IL19: variants seen among roughly 807,000 people sequenced by gnomAD.
The protein encoded by IL19 is interleukin-19.
IL19 carries 15 observed loss-of-function variants against 19.5 expected under a neutral mutation model. The observed-to-expected ratio is 0.77, with a 90% CI of 0.52 to 1.19. The LOEUF (loss-of-function observed/expected upper bound fraction) is 1.19, where lower values mean the gene tolerates loss of function less well. Ranked by LOEUF, IL19 falls within the 50% of genes most tolerant of loss-of-function variation. IL19 has a pLI of 0.00. For synonymous variants in IL19, 78 were observed against 78.3 expected (o/e 1.00, Z 0.02); for missense variants, 199 against 213.1 (o/e 0.93, Z 0.41).
intron 2 of IL19, among the ~76,000 whole-genome samples, chr1:206,813,390 C>A (rs573192316): frequency 2.9e-4 from 44 of 152,266 alleles, no homozygotes; most frequent in African/African-American, 9.1e-4. Flanking sequence ...CTTGTAGCAG[C>A]AGCTAAATCT....
At chr1:206,814,528 T>C (rs537655813) in intron 2 of IL19, among the ~76,000 whole-genome samples, 1 of 149,024 alleles carries the variant, frequency 6.7e-6, no homozygotes, top group African/African-American at 2.5e-5. Flanking sequence ...CTGTCTCTAC[T>C]AAAAACACAC....
intron 1 of IL19, among the ~76,000 whole-genome samples, chr1:206,798,365 C>T (rs1335806127): frequency 1.3e-5 from 2 of 152,134 alleles, no homozygotes; most frequent in East Asian, 3.8e-4. Flanking sequence ...TGTTGTGGAC[C>T]TGCAGTCCTT....
chr1:206,842,418 A>C (rs1329664181), intron 6 of IL19, 109 bp from the exon 7 acceptor site: 1 of 683,532 alleles, frequency 1.5e-6, no homozygotes, highest in African/African-American at 1.8e-5. Context: ...CGTGACAAAA[A>C]AACAAAAACA....
At position 206,807,464 on chromosome 1, in the gene IL19, G is replaced by T. The variant is rs145973587; in HGVS notation, c.-3+8458G>T. Among the ~76,000 whole-genome samples, 579 of 152,052 alleles carry T rather than the reference G, an allele frequency of 3.8e-3. 8 individuals are homozygous for T. The highest frequency in any genetic ancestry group is 0.013 in the African/African-American group (556 of 41,426). On this transcript the variant is annotated intron_variant, in intron 2 of 6. Transcript: ENST00000659997. Reference sequence around the variant, plus strand: ...CATGCTAAGCTCCTTCTTCTCTCAGGGCCTTCACTCATGCTGTTCCCTCAA... The same window carrying T: ...CATGCTAAGCTCCTTCTTCTCTCAGTGCCTTCACTCATGCTGTTCCCTCAA...
chr1:206,779,867 TTTA>T (rs1359682539), intron 1 of IL19, among the ~76,000 whole-genome samples: 1 of 152,042 alleles, frequency 6.6e-6, no homozygotes, highest in African/African-American at 2.4e-5. Context: ...TTTTTTTTTT[TTTA>T]AAGAGACAGG....
At chr1:206,827,719 C>G (rs1337336365) in intron 2 of IL19, among the ~76,000 whole-genome samples, 2 of 147,516 alleles carry the variant, frequency 1.4e-5, no homozygotes, top group African/African-American at 5.0e-5. Flanking sequence ...ACAAAAAAAA[C>G]AAAAAGAACA....
chr1:206,811,758 T>A (rs1676018730), intron 2 of IL19, among the ~76,000 whole-genome samples: 1 of 152,190 alleles, frequency 6.6e-6, no homozygotes, highest in Non-Finnish European at 1.5e-5. Flanking sequence ...GCCTCTGTTA[T>A]GGTACAACTC....
chr1:206,835,278 T>A (rs1572574457), intron 2 of IL19, among the ~76,000 whole-genome samples: 1 of 152,168 alleles, frequency 6.6e-6, no homozygotes, highest in Non-Finnish European at 1.5e-5. Flanking sequence ...TCTGGGGGAC[T>A]CTCTACAAAC....
intron 2 of IL19, among the ~76,000 whole-genome samples, chr1:206,819,446 T>C (rs546041391): frequency 4.0e-5 from 6 of 151,802 alleles, no homozygotes; most frequent in African/African-American, 1.4e-4. Context: ...TAGCCGGGTG[T>C]GTTGGTGTGT....
chr1:206,829,679 G>C (rs1676536577), intron 2 of IL19, among the ~76,000 whole-genome samples: 1 of 152,168 alleles, frequency 6.6e-6, no homozygotes, highest in Admixed American at 6.5e-5. Context: ...ATTTTAAAAA[G>C]TCCACCTACC....
rs1465898723 is a variant in IL19 at position 206,842,613 on chromosome 1, C to G, written c.525C>G (p.Phe175Leu). ...TTAATAAGAATCATGAAGTAATGTTCTCAGCTTGATGACAAGGAACCTGTA... is the reference window on the plus strand; with the variant it reads ...TTAATAAGAATCATGAAGTAATGTTGTCAGCTTGATGACAAGGAACCTGTA... ...AWINKNHEVM[F>L]SA Residue 175 changes from phenylalanine to leucine, a missense_variant, in exon 7 of 7, where the codon TTC becomes TTG. Phe to Leu is a conservative substitution (Grantham distance 22). Coordinates refer to ENST00000659997, the MANE Select transcript of IL19 (RefSeq NM_153758.5). 6.5e-7 allele frequency: 1 copy of G among 1,542,478 alleles called. No individual in the cohort carries two copies. The highest frequency in any genetic ancestry group is 1.9e-5 in the Admixed American group (1 of 52,666).
chr1:206,781,871 ATATATAC>A, intron 1 of IL19, among the ~76,000 whole-genome samples: 1 of 137,996 alleles, frequency 7.2e-6, no homozygotes, highest in Non-Finnish European at 1.5e-5. Flanking sequence ...GTATATAGTT[ATATATAC>A]ATATATATGT....
In IL19 at chr1:206,836,724, A is replaced by T; in HGVS notation, c.62A>T (p.Asp21Val). The stretch of plus-strand genomic sequence containing the variant: ...ACAATACTGATATTGTGCTCAGTAG[A>T]CAACCACGGTCTCAGGAGATGTCTG... ...LGTILILCSV[D>V]NHGLRRCLIS... The change falls in exon 3 of 7, where the codon GAC becomes GTC. Residue 21 changes from aspartate (D) to valine (V), a missense_variant. Asp to Val is a radical substitution (Grantham distance 152). Transcript: ENST00000659997. 1.9e-6 allele frequency: 3 copies of T among 1,613,668 alleles called. No individual in the cohort carries two copies. Among genetic ancestry groups the T allele is most frequent in the South Asian group, 2.2e-5 (2 of 91,058 alleles).
intron 1 of IL19, chr1:206,771,351 C>G: frequency 6.2e-7 from 1 of 1,613,312 alleles, no homozygotes. Context: ...CGCCCCTGCT[C>G]TCACCTTAAA....
At chr1:206,830,928 T>C (rs919917440) in intron 2 of IL19, among the ~76,000 whole-genome samples, 1 of 152,234 alleles carries the variant, frequency 6.6e-6, no homozygotes, top group Non-Finnish European at 1.5e-5. Context: ...TCGTGTTTTA[T>C]AGTCCTCATA....
intron 2 of IL19, among the ~76,000 whole-genome samples, chr1:206,801,044 C>T (rs1322802659): frequency 6.6e-6 from 1 of 152,144 alleles, no homozygotes; most frequent in Non-Finnish European, 1.5e-5. Context: ...TTTGTCACTC[C>T]CAAATTGCAA....
At chr1:206,803,207 G>A (rs1397917187) in intron 2 of IL19, among the ~76,000 whole-genome samples, 2 of 152,172 alleles carry the variant, frequency 1.3e-5, no homozygotes, top group Non-Finnish European at 2.9e-5. Flanking sequence ...CTTCTGTAAT[G>A]CAGTTACATC....
At chr1:206,824,002 A>G (rs1316836644) in intron 2 of IL19, among the ~76,000 whole-genome samples, 2 of 152,194 alleles carry the variant, frequency 1.3e-5, no homozygotes, top group Non-Finnish European at 2.9e-5. Context: ...GAGGGAAAGA[A>G]TGTTCTCAAC....
At chr1:206,827,117 G>A (rs1243650511) in intron 2 of IL19, among the ~76,000 whole-genome samples, 5 of 152,162 alleles carry the variant, frequency 3.3e-5, no homozygotes, top group African/African-American at 4.8e-5. Context: ...CTTCCATTGG[G>A]GTAAGCTGAT....
Sources: gnomAD v4.1 joint callset for allele counts (sites outside exome capture counted in the v4.1 genomes callset) on GRCh38, gnomAD v4.1.1 for gene constraint, MANE v1.5 for transcripts, NCBI Gene and HGNC (gene_info 2026-07-23, HGNC 2026-07-21) for gene names.